KCNQ5: variants seen among roughly 807,000 people sequenced by gnomAD.
KCNQ5 encodes potassium voltage-gated channel subfamily KQT member 5.
KCNQ5 carries 30 observed loss-of-function variants against 98.2 expected under a neutral mutation model. That is an observed-to-expected ratio of 0.31 (90% confidence interval 0.23 to 0.41). The LOEUF (loss-of-function observed/expected upper bound fraction) is 0.41. Among genes scored for constraint, KCNQ5 ranks in the 10% least tolerant of loss-of-function variants. KCNQ5 has a pLI of 1.00. For synonymous variants in KCNQ5, 458 were observed against 449.4 expected, an observed-to-expected ratio of 1.02 and a Z score of -0.24; for missense variants, 835 against 1,182.5, an observed-to-expected ratio of 0.71 and a Z score of 4.31.
At chr6:72,891,466 C>T (rs1779054960) in intron 1 of KCNQ5, among the ~76,000 whole-genome samples, 1 of 152,094 alleles carries the variant, frequency 6.6e-6, no homozygotes, top group Non-Finnish European at 1.5e-5. Context: ...GATTTTAATA[C>T]TCTTACCTGA....
In KCNQ5 at chr6:73,104,504, C is replaced by A. The variant is rs544569439; in HGVS notation, c.919-753C>A. 2.0e-5 allele frequency among the ~76,000 whole-genome samples: 3 copies of A among 152,180 alleles called. 1 individual carries two copies. The highest frequency in any genetic ancestry group is 2.0e-4 in the Admixed American group (3 of 15,268). On this transcript the variant is annotated intron_variant, in intron 5 of 13. Coordinates refer to ENST00000370398, the MANE Select transcript of KCNQ5 (RefSeq NM_019842.4). ...CCCCAGTCCAGCTGAACAACTCATA[C>A]TTTTCAGAATCTACTCTATGTGTTC...
intron 9 of KCNQ5, among the ~76,000 whole-genome samples, chr6:73,130,796 T>A (rs1284527631): frequency 3.3e-5 from 5 of 152,180 alleles, no homozygotes; most frequent in African/African-American, 1.2e-4. Context: ...CAAGAACAGA[T>A]CTTTGCCTTG....
At chr6:72,846,623 G>A (rs898578060) in intron 1 of KCNQ5, among the ~76,000 whole-genome samples, 3 of 152,090 alleles carry the variant, frequency 2.0e-5, no homozygotes, top group African/African-American at 4.8e-5. Flanking sequence ...AGGCTATAGT[G>A]AGCCACCATT....
At chr6:73,057,276 A>G (rs1267835996) in intron 3 of KCNQ5, among the ~76,000 whole-genome samples, 2 of 147,662 alleles carry the variant, frequency 1.4e-5, no homozygotes, top group African/African-American at 5.0e-5. Context: ...GGAATTGAAC[A>G]ATGAGAACAC....
At chr6:72,851,783 G>T (rs1777268522) in intron 1 of KCNQ5, among the ~76,000 whole-genome samples, 2 of 151,924 alleles carry the variant, frequency 1.3e-5, no homozygotes, top group South Asian at 4.2e-4. Flanking sequence ...GTTAAGAATA[G>T]TTATTATTTG....
At chr6:73,164,387 G>T (rs1777717373) in intron 10 of KCNQ5, among the ~76,000 whole-genome samples, 1 of 152,154 alleles carries the variant, frequency 6.6e-6, no homozygotes, top group African/African-American at 2.4e-5. Context: ...AAAAAAAGCA[G>T]AATTGAGTGT....
intron 3 of KCNQ5, among the ~76,000 whole-genome samples, chr6:73,046,758 T>C (rs1771983468): frequency 6.6e-6 from 1 of 151,974 alleles, no homozygotes; most frequent in Admixed American, 6.6e-5. Flanking sequence ...TTCTCATGCC[T>C]CAGCCTCCCG....
chr6:73,070,391 C>A (rs995010512), intron 3 of KCNQ5, among the ~76,000 whole-genome samples: 2 of 152,068 alleles, frequency 1.3e-5, no homozygotes, highest in African/African-American at 4.8e-5. Flanking sequence ...TTCTCTACTT[C>A]ACCACAGAGA....
chr6:72,980,232 A>G (rs1008822438), intron 1 of KCNQ5, among the ~76,000 whole-genome samples: 1 of 152,320 alleles, frequency 6.6e-6, no homozygotes, highest in South Asian at 2.1e-4. Flanking sequence ...TGGTAGCTTA[A>G]TGGGGATGGC....
At chr6:72,947,253 A>T (rs1284456836) in intron 1 of KCNQ5, among the ~76,000 whole-genome samples, 1 of 152,206 alleles carries the variant, frequency 6.6e-6, no homozygotes, top group Non-Finnish European at 1.5e-5. Flanking sequence ...AATATGAAAT[A>T]GGCATTGTTT....
chr6:72,949,370 C>G (rs1766694048), intron 1 of KCNQ5, among the ~76,000 whole-genome samples: 1 of 152,118 alleles, frequency 6.6e-6, no homozygotes, highest in Non-Finnish European at 1.5e-5. Flanking sequence ...ATCCTTAGAT[C>G]CACCATGTTG....
At chr6:72,924,727 C>T (rs1294969525) in intron 1 of KCNQ5, among the ~76,000 whole-genome samples, 2 of 152,280 alleles carry the variant, frequency 1.3e-5, no homozygotes, top group East Asian at 3.9e-4. Context: ...ATGGGGTGAG[C>T]AACTGCTGTC....
rs561978368 is a variant in KCNQ5 at position 72,712,877 on chromosome 6, C to T, written c.398+90290C>T. ...GCAGTAAAACAATTTTATATCACCA[C>T]CTGTATATACCTTCTAAAAATAGAT... is the stretch of plus-strand genomic sequence containing the variant. On this transcript the variant is annotated intron_variant, in intron 1 of 13. Transcript: ENST00000370398. Among the ~76,000 whole-genome samples the T allele has an allele frequency of 2.0e-5, 3 of 152,270 alleles. No individual in the cohort carries two copies. The South Asian group carries it at 6.2e-4, about 32-fold the overall frequency.
intron 3 of KCNQ5, among the ~76,000 whole-genome samples, chr6:73,056,416 A>G (rs1308498849): frequency 6.6e-6 from 1 of 152,084 alleles, no homozygotes; most frequent in Non-Finnish European, 1.5e-5. Flanking sequence ...AAAAAAAAGT[A>G]TAGTGTATAT....
At position 72,965,997 on chromosome 6, in the gene KCNQ5, C is replaced by T. The variant is rs79012552; in HGVS notation, c.399-37911C>T. ...GGAGGTTAAAGTGCCTGCCCAAGGC[C>T]GTGTGCTGGAGCAGAAGGGGAGGTG... On this transcript the variant is annotated intron_variant, in intron 1 of 13. Transcript: ENST00000370398. 2.1e-4 allele frequency among the ~76,000 whole-genome samples: 32 copies of T among 152,202 alleles called. 1 individual carries two copies. In the East Asian group the frequency reaches 5.8e-3, roughly 28 times the overall value.
At chr6:72,941,170 T>C (rs1194702643) in intron 1 of KCNQ5, among the ~76,000 whole-genome samples, 1 of 152,192 alleles carries the variant, frequency 6.6e-6, no homozygotes, top group Admixed American at 6.5e-5. Flanking sequence ...TTATTTCTTT[T>C]GCCTTCTTTT....
In KCNQ5 at chr6:73,078,430, A is replaced by C. The variant is rs117253536; in HGVS notation, c.918+543A>C. On this transcript the variant is annotated intron_variant, in intron 5 of 13. Coordinates refer to ENST00000370398, the MANE Select transcript of KCNQ5 (RefSeq NM_019842.4). ...TATATTATTAAAGAATAATTTTCCAAATAAATAAAGTAAAATCATGATTCT... is the reference window on the plus strand; with the variant it reads ...TATATTATTAAAGAATAATTTTCCACATAAATAAAGTAAAATCATGATTCT... Among the ~76,000 whole-genome samples, 478 of 152,290 alleles carry C rather than the reference A, an allele frequency of 3.1e-3. 2 individuals carry two copies. The highest frequency in any genetic ancestry group is 0.012 in the Admixed American group (186 of 15,296).
At chr6:73,166,857 A>T (rs1321799260) in intron 10 of KCNQ5, among the ~76,000 whole-genome samples, 3 of 152,102 alleles carry the variant, frequency 2.0e-5, no homozygotes, top group Non-Finnish European at 4.4e-5. Flanking sequence ...CTGTGTCCCT[A>T]TGTCTTTGCC....
intron 10 of KCNQ5, among the ~76,000 whole-genome samples, chr6:73,164,549 T>C (rs752333544): frequency 3.3e-5 from 5 of 152,210 alleles, no homozygotes; most frequent in Non-Finnish European, 5.9e-5. Flanking sequence ...GTACAGGATG[T>C]TGATGGGGAG....
Sources: allele counts gnomAD v4.1 joint callset (sites outside exome capture counted in the v4.1 genomes callset), GRCh38; gene constraint gnomAD v4.1.1; transcripts MANE v1.5; gene names NCBI Gene and HGNC (gene_info 2026-07-23, HGNC 2026-07-21).